The following SYT1 variants were observed in gnomAD, a reference collection of about 807,000 sequenced individuals.
The protein encoded by SYT1 is synaptotagmin-1.
SYT1 carries 8 observed loss-of-function variants against 44.8 expected under a neutral mutation model. That is an observed-to-expected ratio of 0.18 (90% CI 0.10 to 0.32). The LOEUF is 0.32. Among genes scored for constraint, SYT1 ranks in the 10% least tolerant of loss-of-function variants. The pLI, the probability that SYT1 is intolerant of heterozygous loss-of-function variation, is 1.00. For synonymous variants in SYT1, 154 were observed against 188.8 expected, an observed-to-expected ratio of 0.82 and a Z score of 1.51; for missense variants, 286 against 509.3, an observed-to-expected ratio of 0.56 and a Z score of 4.22.
At chr12:78,912,749 T>C (rs1435289003) in intron 1 of SYT1, among the ~76,000 whole-genome samples, 1 of 151,934 alleles carries the variant, frequency 6.6e-6, no homozygotes, top group African/African-American at 2.4e-5. Context: ...CATGTGTTGG[T>C]AGGACATCTA....
chr12:79,142,021 G>A (rs993117019), intron 3 of SYT1, among the ~76,000 whole-genome samples: 4 of 152,190 alleles, frequency 2.6e-5, no homozygotes, highest in Admixed American at 1.3e-4. Context: ...TGCTTGAGTA[G>A]CTTGTTGTGT....
intron 3 of SYT1, among the ~76,000 whole-genome samples, chr12:79,119,403 T>C (rs1309156223): frequency 2.6e-5 from 4 of 152,204 alleles, no homozygotes; most frequent in Non-Finnish European, 2.9e-5. Flanking sequence ...TATAAAACTT[T>C]ACCGCTCTTC....
chr12:79,325,226 C>T (rs557627198), intron 8 of SYT1, among the ~76,000 whole-genome samples: 10 of 152,320 alleles, frequency 6.6e-5, no homozygotes, highest in African/African-American at 7.2e-5. Flanking sequence ...GGTTAAGGAG[C>T]GCTAACTCTC....
chr12:79,301,706 A>G (rs1340010120), intron 8 of SYT1, among the ~76,000 whole-genome samples: 1 of 151,778 alleles, frequency 6.6e-6, no homozygotes, highest in Non-Finnish European at 1.5e-5. Context: ...CTCTATTTTT[A>G]TCTACTTCGC....
chr12:78,910,663 G>A lies in SYT1; in HGVS notation c.-217+45554G>A, dbSNP rs543902295. 1.8e-3 allele frequency among the ~76,000 whole-genome samples: 268 copies of A among 152,096 alleles called. 4 individuals carry two copies. The highest frequency in any genetic ancestry group is 6.1e-3 in the African/African-American group (253 of 41,534). On this transcript the variant is annotated intron_variant, in intron 1 of 10. Transcript: ENST00000261205. ...ATGAAAATTGCAGTCTAGACAAATAGAGTAATTAGATAATTATTGCAAAAA... is the reference window on the plus strand; with the variant it reads ...ATGAAAATTGCAGTCTAGACAAATAAAGTAATTAGATAATTATTGCAAAAA...
At chr12:79,441,149 C>G (rs1870388898) in intron 9 of SYT1, among the ~76,000 whole-genome samples, 1 of 152,188 alleles carries the variant, frequency 6.6e-6, no homozygotes, top group Admixed American at 6.5e-5. Flanking sequence ...TTTCTTCCAG[C>G]TTTTGTTTTG....
At chr12:78,917,012 A>G (rs1280199339) in intron 1 of SYT1, among the ~76,000 whole-genome samples, 4 of 152,070 alleles carry the variant, frequency 2.6e-5, no homozygotes, top group Non-Finnish European at 4.4e-5. Context: ...GACTCATTGA[A>G]GCCCTGACCT....
intron 9 of SYT1, among the ~76,000 whole-genome samples, chr12:79,398,757 C>T (rs74588239): frequency 0.011 from 1,616 of 152,200 alleles, 10 homozygotes; most frequent in Non-Finnish European, 0.018. Flanking sequence ...ATCTAAATTG[C>T]TATTTTAGAA....
In SYT1 at chr12:79,090,999, G is replaced by A. The variant is rs72484633; in HGVS notation, c.-18+43637G>A. Among the ~76,000 whole-genome samples the A allele has an allele frequency of 6.0e-3, 906 of 151,916 alleles. 32 individuals carry two copies. The highest frequency in any genetic ancestry group is 0.016 in the East Asian group (82 of 5,152). Reference sequence around the variant, plus strand: ...CAAATAAAAGGACCTCAGAGAAACCGTCTGCCTGCATCCCTTGTTTGCTTT... The same window carrying A: ...CAAATAAAAGGACCTCAGAGAAACCATCTGCCTGCATCCCTTGTTTGCTTT... On this transcript the variant is annotated intron_variant, in intron 3 of 10. Coordinates refer to ENST00000261205, the MANE Select transcript of SYT1 (RefSeq NM_005639.3).
intron 2 of SYT1, among the ~76,000 whole-genome samples, chr12:79,026,883 T>C (rs936546893): frequency 6.7e-6 from 1 of 149,354 alleles, no homozygotes; most frequent in African/African-American, 2.4e-5. Flanking sequence ...GGATGGCTAC[T>C]ACAAAAAAAG....
At chr12:79,375,207 G>A (rs1315913130) in intron 9 of SYT1, among the ~76,000 whole-genome samples, 3 of 152,134 alleles carry the variant, frequency 2.0e-5, no homozygotes, top group African/African-American at 7.2e-5. Context: ...AACCTGCCGG[G>A]AGCTAATTAA....
chr12:78,951,961 C>T (rs1464387066), intron 1 of SYT1, among the ~76,000 whole-genome samples: 1 of 152,054 alleles, frequency 6.6e-6, no homozygotes, highest in South Asian at 2.1e-4. Context: ...TTAGCTTAGT[C>T]GGCATAGCAT....
At chr12:79,010,136 A>T (rs552864010) in intron 2 of SYT1, among the ~76,000 whole-genome samples, 1 of 152,270 alleles carries the variant, frequency 6.6e-6, no homozygotes, top group South Asian at 2.1e-4. Context: ...TGTTCTTTCA[A>T]TATCTTCCTA....
intron 1 of SYT1, among the ~76,000 whole-genome samples, chr12:78,920,928 C>G (rs7976968): frequency 0.5 from 75,899 of 151,450 alleles, 19,140 homozygotes; most frequent in East Asian, 0.53. Context: ...ATCCAGTCCT[C>G]AGCAGTCAGA....
intron 3 of SYT1, among the ~76,000 whole-genome samples, chr12:79,182,198 T>C (rs1218790763): frequency 1.3e-5 from 2 of 152,074 alleles, no homozygotes; most frequent in African/African-American, 4.8e-5. Context: ...CTCTTAAAAG[T>C]TTCTAGTGAC....
intron 4 of SYT1, among the ~76,000 whole-genome samples, chr12:79,277,803 G>C (rs1878819477): frequency 6.6e-6 from 1 of 151,874 alleles, no homozygotes; most frequent in South Asian, 2.1e-4. Flanking sequence ...ACAGAGTCAA[G>C]ATAAAAGAGT....
intron 3 of SYT1, among the ~76,000 whole-genome samples, chr12:79,092,196 T>C (rs192523765): frequency 9.9e-5 from 15 of 152,036 alleles, no homozygotes; most frequent in East Asian, 3.9e-4. Context: ...GATATCAAGA[T>C]AGATTTTCCA....
intron 9 of SYT1, among the ~76,000 whole-genome samples, chr12:79,434,664 A>G (rs1264057260): frequency 1.3e-5 from 2 of 152,208 alleles, no homozygotes; most frequent in Admixed American, 6.5e-5. Flanking sequence ...TTACTACTGG[A>G]CCACTTATAC....
chr12:79,113,470 A>T (rs1417280104), intron 3 of SYT1, among the ~76,000 whole-genome samples: 3 of 147,304 alleles, frequency 2.0e-5, no homozygotes, highest in Non-Finnish European at 4.5e-5. Context: ...CTGTGAAATG[A>T]TCTAGAAAAA....
Sources: allele counts gnomAD v4.1 joint callset (sites outside exome capture counted in the v4.1 genomes callset), GRCh38; gene constraint gnomAD v4.1.1; transcripts MANE v1.5; gene names NCBI Gene and HGNC (gene_info 2026-07-23, HGNC 2026-07-21).